VAPA: variants seen among roughly 807,000 people sequenced by gnomAD.
VAPA encodes the protein VAMP associated protein A, also known as vesicle-associated membrane protein-associated protein A.
In VAPA, 6 loss-of-function variants were observed where a neutral mutation model predicts 25.6. That is an observed-to-expected ratio of 0.23 (90% CI 0.13 to 0.46). The LOEUF (loss-of-function observed/expected upper bound fraction) is 0.46, where lower values mean the gene tolerates loss of function less well. Ranked by LOEUF, VAPA falls within the 20% of genes least tolerant of loss-of-function variation. VAPA has a pLI of 0.99. For missense variants in VAPA, 244 were observed against 302.1 expected (o/e 0.81, Z 1.43); for synonymous variants, 112 against 106.2 (o/e 1.05, Z -0.34).
At chr18:9,917,806 G>GC (rs1555614846) in intron 1 of VAPA, among the ~76,000 whole-genome samples, 3,357 of 151,204 alleles carry the variant, frequency 0.022, 133 homozygotes, top group African/African-American at 0.078. Context: ...GCAGCACGGG[G>GC]CGGGGGGGAA....
In VAPA at chr18:9,959,681, G is replaced by A. The variant is rs2069585275; in HGVS notation, c.*5470G>A. ...GAACCCTGAGGAAAAATAATACAATGTGTGTGTGTGAGAGAGAGAGTGAGT... is the reference window on the plus strand; with the variant it reads ...GAACCCTGAGGAAAAATAATACAATATGTGTGTGTGAGAGAGAGAGTGAGT... On this transcript the variant is annotated 3_prime_UTR_variant, in exon 6 of 6. Transcript: ENST00000400000. The A allele has an allele frequency of 7.4e-6, 1 of 135,124 alleles. No individual in the cohort carries two copies. The highest frequency in any genetic ancestry group is 1.5e-5 in the Non-Finnish European group (1 of 65,066). The allele number at this position is 135,124 out of a possible 1,614,324, so 8.4% of individuals were successfully genotyped here. A position where few individuals can be genotyped will look rare whatever the true frequency, so the allele number is the denominator to read the frequency against.
intron 5 of VAPA, among the ~76,000 whole-genome samples, chr18:9,951,984 T>TACTTTTAAAGTAAAA (rs1472707588): frequency 4.6e-5 from 7 of 152,214 alleles, no homozygotes; most frequent in Non-Finnish European, 8.8e-5. Context: ...TAAAGGATGT[T>TACTTTTAAAGTAAAA]GTTGGTTACT....
At chr18:9,944,776 A>G (rs2069403758) in intron 4 of VAPA, 28 of 976,764 alleles carry the variant, frequency 2.9e-5, no homozygotes, top group Non-Finnish European at 4.0e-5. Flanking sequence ...CATAGCTATT[A>G]TTAGTATTGT....
At chr18:9,939,664 C>T (rs779476074) in intron 4 of VAPA, among the ~76,000 whole-genome samples, 2 of 151,826 alleles carry the variant, frequency 1.3e-5, no homozygotes, top group Non-Finnish European at 2.9e-5. Flanking sequence ...TTCCTGTGAT[C>T]GAAAGTTTGA....
At chr18:9,938,306 A>C (rs2069331776) in intron 4 of VAPA, among the ~76,000 whole-genome samples, 1 of 152,224 alleles carries the variant, frequency 6.6e-6, no homozygotes, top group African/African-American at 2.4e-5. Context: ...TGGATAGCAC[A>C]CACTTTGAGA....
intron 4 of VAPA, among the ~76,000 whole-genome samples, chr18:9,939,117 A>AT (rs903157345): frequency 5.3e-5 from 8 of 151,072 alleles, no homozygotes; most frequent in East Asian, 1.9e-4. Context: ...TGTCATTAAA[A>AT]TTTTTTTTTC....
chr18:9,920,896 T>G (rs1308165916), intron 1 of VAPA, among the ~76,000 whole-genome samples: 2 of 152,236 alleles, frequency 1.3e-5, no homozygotes, highest in Non-Finnish European at 2.9e-5. Flanking sequence ...CAGCCTCTTA[T>G]TTCAAGAATC....
intron 4 of VAPA, among the ~76,000 whole-genome samples, chr18:9,941,699 G>T (rs2069368005): frequency 6.6e-6 from 1 of 152,070 alleles, no homozygotes; most frequent in African/African-American, 2.4e-5. Flanking sequence ...CATGAAATTT[G>T]GCTCTTTGGA....
chr18:9,923,186 A>G (rs1475016696), intron 1 of VAPA, among the ~76,000 whole-genome samples: 3 of 152,158 alleles, frequency 2.0e-5, no homozygotes, highest in Non-Finnish European at 2.9e-5. Context: ...AGTTATCACT[A>G]ATGTTTGATA....
intron 4 of VAPA, chr18:9,944,850 G>A: frequency 3.3e-6 from 5 of 1,530,780 alleles, no homozygotes; most frequent in Non-Finnish European, 4.4e-6. Context: ...TTCTGTGTCA[G>A]TCATTCCCAA....
chr18:9,939,703 G>T (rs1033571584), intron 4 of VAPA, among the ~76,000 whole-genome samples: 1 of 151,988 alleles, frequency 6.6e-6, no homozygotes, highest in African/African-American at 2.4e-5. Flanking sequence ...AGGGGCAATC[G>T]ATTTGCTCCT....
chr18:9,914,430 C>T (rs1004742488), intron 1 of VAPA, 95 bp downstream of exon 1: 32 of 1,110,908 alleles, frequency 2.9e-5, no homozygotes, highest in African/African-American at 5.0e-5. Context: ...GGCCCTGGCC[C>T]GAGGGAGCGC....
intron 1 of VAPA, among the ~76,000 whole-genome samples, chr18:9,924,637 G>A (rs535667357): frequency 1.3e-5 from 2 of 152,304 alleles, no homozygotes; most frequent in East Asian, 1.9e-4. Context: ...TGTCAATAAA[G>A]CTGTGATGGG....
chr18:9,936,046 G>A (rs1218196242), intron 2 of VAPA, 64 bp from the exon 3 acceptor site: 1 of 1,181,996 alleles, frequency 8.5e-7, no homozygotes, highest in South Asian at 1.8e-5. Flanking sequence ...ATCTGTAACT[G>A]TTTCAATGTA....
chr18:9,952,564 C>CAAAA (rs58664560), intron 5 of VAPA, among the ~76,000 whole-genome samples: 1 of 109,868 alleles, frequency 9.1e-6, no homozygotes, highest in Non-Finnish European at 1.9e-5. Context: ...AACATCGTCT[C>CAAAA]AAAAAAAAAA....
rs929459836 is a variant in VAPA, at chr18:9,955,312, C to G, written c.*1101C>G. 7.9e-5 allele frequency: 12 copies of G among 152,148 alleles called. No individual in the cohort carries two copies. Among genetic ancestry groups the G allele is most frequent in the Admixed American group, 6.5e-4 (10 of 15,278 alleles). 9.4% of individuals were successfully genotyped at this position (152,148 alleles called of 1,614,324 possible). The stretch of plus-strand genomic sequence containing the variant: ...TGTTCATTATGGAAGTTTGGTAATA[C>G]TGAGCAAGCCTGTGGAATTTTCTTT... On this transcript the variant is annotated 3_prime_UTR_variant, in exon 6 of 6. Transcript: ENST00000400000.
Position 9,954,024 on chromosome 18 carries a change from A to C in VAPA, c.592-29A>C, listed in dbSNP as rs767091077. ...TCTCGTTAGTATGCTTGTTTTTAAA[A>C]ACCTTTTGTGTGTGTGTTTTTTTTC... On this transcript the variant is annotated intron_variant, in intron 5 of 5. Transcript: ENST00000400000. 12 of 1,610,402 alleles carry C rather than the reference A, an allele frequency of 7.5e-6. No homozygotes were observed. In the Admixed American group the frequency reaches 2.0e-4, roughly 27 times the overall value.
chr18:9,936,360 C>T (rs983635308), intron 3 of VAPA, 147 bp downstream of exon 3: 14 of 466,552 alleles, frequency 3.0e-5, no homozygotes, highest in Non-Finnish European at 5.3e-5. Flanking sequence ...ATAGATAATC[C>T]TAACTTAAAG....
rs1366131088 is a variant in VAPA, at chr18:9,959,965, A to G, written c.*5754A>G. On this transcript the variant is annotated 3_prime_UTR_variant, in exon 6 of 6. Transcript: ENST00000400000. ...AAGCTACTTTGAATTAAATTTAAGGATATATTTCACATGAAAACAAATACA... is the reference window on the plus strand; with the variant it reads ...AAGCTACTTTGAATTAAATTTAAGGGTATATTTCACATGAAAACAAATACA... 1 of 144,778 alleles carries G rather than the reference A, an allele frequency of 6.9e-6. No homozygotes were observed. Among genetic ancestry groups the G allele is most frequent in the Non-Finnish European group, 1.5e-5 (1 of 65,264 alleles). 9.0% of individuals were successfully genotyped at this position (144,778 alleles called of 1,614,324 possible). A position where few individuals can be genotyped will look rare whatever the true frequency, so the allele number is the denominator to read the frequency against.
Sources: allele counts gnomAD v4.1 joint callset (sites outside exome capture counted in the v4.1 genomes callset), GRCh38; gene constraint gnomAD v4.1.1; transcripts MANE v1.5; gene names NCBI Gene and HGNC (gene_info 2026-07-23, HGNC 2026-07-21).